The following AIG1 variants were observed in gnomAD, a reference collection of about 807,000 sequenced individuals.
AIG1 encodes the protein androgen induced 1.
In AIG1, 23 loss-of-function variants were observed where a neutral mutation model predicts 31.4. The ratio of observed to expected loss-of-function variants is 0.73; its 90% CI spans 0.53 to 1.04. The LOEUF (loss-of-function observed/expected upper bound fraction) is 1.04. Ranked by LOEUF, AIG1 falls within the 50% of genes least tolerant of loss-of-function variation. The pLI is 0.00. For missense variants in AIG1, 274 were observed against 295.0 expected (o/e 0.93, Z 0.52); for synonymous variants, 100 against 110.5 (o/e 0.90, Z 0.60).
intron 3 of AIG1, among the ~76,000 whole-genome samples, chr6:143,244,039 C>T (rs568637122): frequency 5.9e-5 from 9 of 152,144 alleles, no homozygotes; most frequent in East Asian, 5.8e-4. Context: ...GCACTAGTAA[C>T]GCAAAGATGA....
intron 4 of AIG1, among the ~76,000 whole-genome samples, chr6:143,302,381 G>A (rs1376731524): frequency 2.3e-5 from 3 of 127,796 alleles, no homozygotes; most frequent in Middle Eastern, 4.1e-3. Flanking sequence ...CACTCCCCCC[G>A]ACCCCACAAC....
At chr6:143,059,811 T>C (rs1246723402), upstream of AIG1, among the ~76,000 whole-genome samples, 2 of 152,242 alleles carry the variant, frequency 1.3e-5, no homozygotes, top group African/African-American at 2.4e-5. Context: ...GAAATACCTA[T>C]GTTGCCTTTT....
At chr6:143,265,226 C>T (rs1287255840) in intron 3 of AIG1, among the ~76,000 whole-genome samples, 1 of 152,182 alleles carries the variant, frequency 6.6e-6, no homozygotes, top group Non-Finnish European at 1.5e-5. Flanking sequence ...AAACAAAAGC[C>T]ACTCCATTCT....
rs1797291303 is a variant in AIG1 at position 143,280,751 on chromosome 6, A to G, written c.400-3359A>G. 6.6e-6 allele frequency among the ~76,000 whole-genome samples: 1 copy of G among 152,218 alleles called. No homozygotes were observed. The highest frequency in any genetic ancestry group is 2.1e-4 in the South Asian group (1 of 4,826). ...GGAGGTTGGGAGGAGGGAGAGTAGC[A>G]GAAAAGATAACTATTGGGTACTGGG... On this transcript the variant is annotated intron_variant, in intron 3 of 5. Transcript: ENST00000357847. This position sits in a 1 kb window ranked among gnomAD's most constrained non-coding sequence, Gnocchi z 4.1.
At chr6:143,237,649 A>G (rs991142896) in intron 3 of AIG1, among the ~76,000 whole-genome samples, 4 of 152,232 alleles carry the variant, frequency 2.6e-5, no homozygotes, top group African/African-American at 9.6e-5. Context: ...GTTACCACCA[A>G]CTTTGGAAAA....
chr6:143,153,541 A>G (rs564736368), intron 2 of AIG1, among the ~76,000 whole-genome samples: 2 of 151,834 alleles, frequency 1.3e-5, no homozygotes, highest in Non-Finnish European at 2.9e-5. Context: ...TACAGACGGG[A>G]TTTCACCATA....
chr6:143,071,392 A>G (rs1777244941), intron 1 of AIG1, among the ~76,000 whole-genome samples: 1 of 152,222 alleles, frequency 6.6e-6, no homozygotes, highest in South Asian at 2.1e-4. Context: ...GCTGCTGTGG[A>G]CATTCATGCA....
chr6:143,225,922 G>A (rs1360020954), intron 3 of AIG1, among the ~76,000 whole-genome samples: 3 of 152,062 alleles, frequency 2.0e-5, no homozygotes, highest in Non-Finnish European at 2.9e-5. Context: ...TTGTTTTATA[G>A]TCAATAACAC....
In AIG1 at chr6:143,340,185, C is replaced by T. The variant is rs1291261264; in HGVS notation, c.*509C>T. The T allele has an allele frequency of 6.6e-6, 1 of 152,220 alleles. No homozygotes were observed. Among genetic ancestry groups the T allele is most frequent in the Non-Finnish European group, 1.5e-5 (1 of 68,124 alleles). The allele number at this position is 152,220 out of a possible 1,614,324, so 9.4% of individuals were successfully genotyped here. A position where few individuals can be genotyped will look rare whatever the true frequency, so the allele number is the denominator to read the frequency against. On this transcript the variant is annotated 3_prime_UTR_variant, in exon 6 of 6. Coordinates refer to ENST00000357847, the MANE Select transcript of AIG1 (RefSeq NM_016108.4). ...ATGTCACAGTTGCCTCAAATGAGCACCATTTGTAATAATGATGTCAATTTC... is the reference window on the plus strand; with the variant it reads ...ATGTCACAGTTGCCTCAAATGAGCATCATTTGTAATAATGATGTCAATTTC...
chr6:143,072,487 T>A (rs1777379571), intron 1 of AIG1, among the ~76,000 whole-genome samples: 1 of 152,180 alleles, frequency 6.6e-6, no homozygotes, highest in Non-Finnish European at 1.5e-5. Context: ...AGAGAGCAGA[T>A]ATCCTTAGAA....
chr6:143,179,448 C>T (rs1436211487), intron 3 of AIG1, among the ~76,000 whole-genome samples: 1 of 152,180 alleles, frequency 6.6e-6, no homozygotes, highest in Non-Finnish European at 1.5e-5. Flanking sequence ...TGTATCACGA[C>T]ACCATTTCAG....
At chr6:143,131,618 G>T (rs1406388199) in intron 1 of AIG1, among the ~76,000 whole-genome samples, 2 of 152,210 alleles carry the variant, frequency 1.3e-5, no homozygotes, top group Non-Finnish European at 2.9e-5. Context: ...CAGACACAAG[G>T]AGCCGAGAGT....
intron 1 of AIG1, among the ~76,000 whole-genome samples, chr6:143,103,895 G>T (rs148482568): frequency 2.4e-4 from 37 of 152,246 alleles, no homozygotes; most frequent in African/African-American, 8.7e-4. Context: ...CACTGGCCAG[G>T]ATTCATATTA....
At chr6:143,100,907 A>G (rs563447013) in intron 1 of AIG1, among the ~76,000 whole-genome samples, 1 of 151,282 alleles carries the variant, frequency 6.6e-6, no homozygotes, top group Non-Finnish European at 1.5e-5. Context: ...CTGGTCTCAA[A>G]CTCCTGACCT....
chr6:143,279,040 T>C lies in AIG1; in HGVS notation c.400-5070T>C, dbSNP rs893858159. Among the ~76,000 whole-genome samples the C allele has an allele frequency of 3.3e-5, 5 of 152,194 alleles. No individual in the cohort carries two copies. Among genetic ancestry groups the C allele is most frequent in the African/African-American group, 9.7e-5 (4 of 41,442 alleles). On this transcript the variant is annotated intron_variant, in intron 3 of 5. Transcript: ENST00000357847. This position sits in a 1 kb window ranked among gnomAD's most constrained non-coding sequence, Gnocchi z 5.4. ...AGCATGAACGGGGCCACAGTATGGCTTTTGTAGATTTTAAGCACTTTGTGT... is the reference window on the plus strand; with the variant it reads ...AGCATGAACGGGGCCACAGTATGGCCTTTGTAGATTTTAAGCACTTTGTGT...
intron 1 of AIG1, among the ~76,000 whole-genome samples, chr6:143,118,452 C>T (rs1413184139): frequency 3.0e-5 from 4 of 132,556 alleles, no homozygotes; most frequent in African/African-American, 7.3e-5. Context: ...AGCGAGACTC[C>T]GTCTCAAAAA....
intron 2 of AIG1, among the ~76,000 whole-genome samples, chr6:143,150,081 G>C (rs1424858925): frequency 2.6e-5 from 4 of 152,138 alleles, no homozygotes; most frequent in East Asian, 3.8e-4. Flanking sequence ...CCAAAACTCT[G>C]CTTCATCAAG....
intron 1 of AIG1, among the ~76,000 whole-genome samples, chr6:143,092,535 A>G (rs1026208520): frequency 1.3e-5 from 2 of 152,310 alleles, no homozygotes; most frequent in South Asian, 4.1e-4. Flanking sequence ...ATCTGCATCA[A>G]AGCTCTTGGG....
chr6:143,284,115 G>A lies in AIG1; in HGVS notation c.405G>A (p.Thr135=), dbSNP rs771446237. Reference sequence around the variant, plus strand: ...TAGTCTCTGTTATTTTCCAGCACACGACGGTTCTGCCCTTTATATTAATCG... The same window carrying A: ...TAGTCTCTGTTATTTTCCAGCACACAACGGTTCTGCCCTTTATATTAATCG... ...IPGWLNHGMH[T]TVLPFILIEM... The change falls in exon 4 of 6, where the codon ACG becomes ACA. Residue 135 remains threonine, a synonymous_variant. Transcript: ENST00000357847. The surrounding 1 kb of genome is among the most constrained non-coding windows in gnomAD (Gnocchi z 4.4). The A allele has an allele frequency of 2.0e-5, 32 of 1,612,664 alleles. No individual in the cohort carries two copies. The highest frequency in any genetic ancestry group is 1.6e-4 in the Middle Eastern group (1 of 6,080).
Sources: allele counts gnomAD v4.1 joint callset (sites outside exome capture counted in the v4.1 genomes callset), GRCh38; gene constraint gnomAD v4.1.1; non-coding constraint Gnocchi (gnomAD v3.1); transcripts MANE v1.5; gene names NCBI Gene and HGNC (gene_info 2026-07-23, HGNC 2026-07-21).